The following TMEM255B variants were observed in gnomAD, a reference collection of about 807,000 sequenced individuals.
TMEM255B encodes transmembrane protein 255B.
TMEM255B carries 35 observed loss-of-function variants against 34.5 expected under a neutral mutation model. The observed-to-expected ratio is 1.01, with a 90% CI of 0.77 to 1.34. TMEM255B has a LOEUF of 1.34. Among genes scored for constraint, TMEM255B ranks in the 40% most tolerant of loss-of-function variants. The pLI, the probability that TMEM255B is intolerant of heterozygous loss-of-function variation, is 0.00. For missense variants in TMEM255B, 432 were observed against 433.2 expected (o/e 1.00, Z 0.02); for synonymous variants, 206 against 201.2 (o/e 1.02, Z -0.20).
At chr13:113,759,364 G>T in intron 1 of TMEM255B, 49 bp downstream of exon 1, 1 of 1,227,384 alleles carries the variant, frequency 8.1e-7, no homozygotes, top group Non-Finnish European at 1.0e-6. Flanking sequence ...GGGAGCGTGG[G>T]GACCCCGGGG....
chr13:113,808,742 T>A (rs1349785521), intron 8 of TMEM255B, among the ~76,000 whole-genome samples: 2 of 140,608 alleles, frequency 1.4e-5, no homozygotes, highest in African/African-American at 5.3e-5. Flanking sequence ...TACTCCGTGG[T>A]TCTTTGGGGT....
chr13:113,776,275 G>T (rs916522639), intron 3 of TMEM255B, among the ~76,000 whole-genome samples: 1 of 152,240 alleles, frequency 6.6e-6, no homozygotes, highest in Non-Finnish European at 1.5e-5. Context: ...CTGGCTGCCT[G>T]GGCATCTGCC....
chr13:113,779,441 G>A (rs778175304), intron 3 of TMEM255B, among the ~76,000 whole-genome samples: 38 of 152,168 alleles, frequency 2.5e-4, no homozygotes, highest in Admixed American at 9.8e-4. Context: ...GAGTGGAAGA[G>A]GTGGATTTGT....
At chr13:113,793,572 G>A (rs984371626) in intron 3 of TMEM255B, among the ~76,000 whole-genome samples, 3 of 145,270 alleles carry the variant, frequency 2.1e-5, no homozygotes, top group Non-Finnish European at 4.5e-5. Context: ...GACTTCTGTG[G>A]ACTCGCTCTC....
intron 8 of TMEM255B, among the ~76,000 whole-genome samples, chr13:113,807,609 G>A (rs1202184708): frequency 7.4e-6 from 1 of 134,842 alleles, no homozygotes; most frequent in Non-Finnish European, 1.6e-5. Context: ...TCACACGTGG[G>A]CTTACGGGAT....
At position 113,812,029 on chromosome 13, in the gene TMEM255B, T is replaced by C; in HGVS notation, c.*126T>C. 8.0e-7 allele frequency: 1 copy of C among 1,254,390 alleles called. No individual in the cohort carries two copies. The highest frequency in any genetic ancestry group is 1.1e-6 in the Non-Finnish European group (1 of 905,280). 77.7% of individuals were successfully genotyped at this position (1,254,390 alleles called of 1,614,324 possible). ...GAGAATGTTCCAGAAGTCTGTCCCC[T>C]CCTTTCCTCCCTGGGCACACTGGTG... On this transcript the variant is annotated 3_prime_UTR_variant, in exon 9 of 9. Transcript: ENST00000375353.
intron 1 of TMEM255B, among the ~76,000 whole-genome samples, chr13:113,760,753 G>A (rs1473788328): frequency 1.4e-5 from 2 of 144,722 alleles, no homozygotes; most frequent in African/African-American, 2.6e-5. Context: ...GCTTTGGTGT[G>A]TCTGGGGGTG....
rs191054802 is a variant in TMEM255B, at chr13:113,769,522, T to A, written c.252+362T>A. 1.4e-5 allele frequency: 3 copies of A among 220,758 alleles called. No homozygotes were observed. The highest frequency in any genetic ancestry group is 9.2e-6 in the Non-Finnish European group (1 of 108,198). 13.7% of individuals were successfully genotyped at this position (220,758 alleles called of 1,614,324 possible). A position where few individuals can be genotyped will look rare whatever the true frequency, so the allele number is the denominator to read the frequency against. On this transcript the variant is annotated intron_variant, in intron 3 of 8. Coordinates refer to ENST00000375353, the MANE Select transcript of TMEM255B (RefSeq NM_182614.4). The surrounding 1 kb of genome is among the most constrained non-coding windows in gnomAD (Gnocchi z 4.2). ...AGGCAAAAACATGTGCATAAGCCTC[T>A]CTTCCTTTTGAACCAGTGGCTCTAG...
intron 7 of TMEM255B, among the ~76,000 whole-genome samples, chr13:113,804,312 C>T (rs2051122376): frequency 1.3e-5 from 2 of 152,202 alleles, no homozygotes; most frequent in Admixed American, 1.3e-4. Context: ...CCAGAAACCC[C>T]ACGCTGGTTG....
chr13:113,776,201 G>T (rs2050574962), intron 3 of TMEM255B, among the ~76,000 whole-genome samples: 1 of 152,228 alleles, frequency 6.6e-6, no homozygotes, highest in Non-Finnish European at 1.5e-5. Flanking sequence ...TGGGAGAAGG[G>T]TGGGCACTGG....
intron 3 of TMEM255B, among the ~76,000 whole-genome samples, chr13:113,787,240 A>G (rs995977550): frequency 2.0e-5 from 3 of 152,242 alleles, no homozygotes; most frequent in Non-Finnish European, 2.9e-5. Context: ...CCCAGAGCCA[A>G]CGGTCTGGAT....
At chr13:113,785,843 C>T (rs561245311) in intron 3 of TMEM255B, among the ~76,000 whole-genome samples, 43 of 152,248 alleles carry the variant, frequency 2.8e-4, no homozygotes, top group African/African-American at 9.1e-4. Context: ...AGTGGCTTGA[C>T]GTACTCACAC....
intron 4 of TMEM255B, among the ~76,000 whole-genome samples, chr13:113,798,339 G>A (rs1419071873): frequency 1.3e-5 from 2 of 151,698 alleles, no homozygotes; most frequent in African/African-American, 4.8e-5. Flanking sequence ...TGACAGATGG[G>A]TGAATGGATG....
chr13:113,804,483 C>T lies in TMEM255B; in HGVS notation c.670-402C>T, dbSNP rs898922488. ...AAAATCAAAAAAGTAAAAGAGAGCCCGAGCCGAGCGGTCACCCAGTGTGAC... is the reference window on the plus strand; with the variant it reads ...AAAATCAAAAAAGTAAAAGAGAGCCTGAGCCGAGCGGTCACCCAGTGTGAC... On this transcript the variant is annotated intron_variant, in intron 7 of 8. Coordinates refer to ENST00000375353, the MANE Select transcript of TMEM255B (RefSeq NM_182614.4). Among the ~76,000 whole-genome samples, 10 of 152,304 alleles carry T rather than the reference C, an allele frequency of 6.6e-5. No homozygotes were observed. In the East Asian group the frequency reaches 7.7e-4, roughly 12 times the overall value.
intron 4 of TMEM255B, among the ~76,000 whole-genome samples, chr13:113,796,002 AACAC>A (rs1406721264): frequency 2.1e-5 from 3 of 145,448 alleles, no homozygotes; most frequent in Admixed American, 2.1e-4. Flanking sequence ...CACAGCACAC[AACAC>A]ACAGAGCACA....
chr13:113,786,533 ATCACCATTG>A (rs2050746425), intron 3 of TMEM255B, among the ~76,000 whole-genome samples: 2 of 54,554 alleles, frequency 3.7e-5, no homozygotes, highest in Non-Finnish European at 5.2e-5. Context: ...CACCACTGTC[ATCACCATTG>A]TCACCATCGT....
rs952894817 is a variant in TMEM255B, at chr13:113,782,682, G to T, written c.253-12466G>T. Among the ~76,000 whole-genome samples the T allele has an allele frequency of 4.0e-5, 6 of 151,492 alleles. No individual in the cohort carries two copies. In the South Asian group the frequency reaches 6.5e-4, roughly 16 times the overall value. On this transcript the variant is annotated intron_variant, in intron 3 of 8. Coordinates refer to ENST00000375353, the MANE Select transcript of TMEM255B (RefSeq NM_182614.4). ...TCCTCCTGTGATGGTCGGAGGGGGG[G>T]GCTTCATTATGAGCCCCACCTGAAC...
chr13:113,786,555 A>ATCGTCAC (rs2050747351), intron 3 of TMEM255B, among the ~76,000 whole-genome samples: 1 of 150,420 alleles, frequency 6.6e-6, no homozygotes, highest in Admixed American at 6.6e-5. Context: ...ACCATCGTCA[A>ATCGTCAC]CATCATCACC....
chr13:113,783,238 G>T (rs2050692198), intron 3 of TMEM255B, among the ~76,000 whole-genome samples: 1 of 152,108 alleles, frequency 6.6e-6, no homozygotes, highest in South Asian at 2.1e-4. Context: ...ACTGCCTTAT[G>T]GGCATTTTTG....
Sources: gnomAD v4.1 joint callset for allele counts (sites outside exome capture counted in the v4.1 genomes callset) on GRCh38, gnomAD v4.1.1 for gene constraint, Gnocchi (gnomAD v3.1) non-coding constraint, MANE v1.5 for transcripts, NCBI Gene and HGNC (gene_info 2026-07-23, HGNC 2026-07-21) for gene names.